Variants in MSH6 observed in about 807,000 individuals in gnomAD.
The protein encoded by MSH6 is mutS homolog 6.
Under a neutral mutation model 119.1 loss-of-function variants are expected in MSH6, and 85 were observed. The ratio of observed to expected loss-of-function variants is 0.71; its 90% CI spans 0.60 to 0.85. MSH6 has a LOEUF of 0.85. MSH6 is among the 40% of genes least tolerant of loss of function. MSH6 has a pLI of 0.00. For missense variants in MSH6, 2,163 were observed against 1,655.3 expected, an observed-to-expected ratio of 1.31 and a Z score of -5.32; for synonymous variants, 830 against 586.9, an observed-to-expected ratio of 1.41 and a Z score of -5.99.
intron 1 of MSH6, among the ~76,000 whole-genome samples, chr2:47,786,328 G>A (rs1279884863): frequency 6.6e-6 from 1 of 151,764 alleles, no homozygotes; most frequent in Admixed American, 6.6e-5. Context: ...CTTAAAACAT[G>A]TTGAGCGTAT....
At chr2:47,796,224 T>C (rs1024259638) in intron 3 of MSH6, among the ~76,000 whole-genome samples, 161 bp downstream of exon 3, 1 of 152,244 alleles carries the variant, frequency 6.6e-6, no homozygotes, top group African/African-American at 2.4e-5. Context: ...GACTGTAGGA[T>C]AAGTTAGGTT....
chr2:47,807,091 C>A (rs1025593494), downstream of MSH6: 2 of 519,398 alleles, frequency 3.9e-6, no homozygotes, highest in Non-Finnish European at 6.8e-6. Flanking sequence ...CTGTTTTATA[C>A]CCACTGTCAC....
intron 2 of MSH6, among the ~76,000 whole-genome samples, chr2:47,794,745 T>C (rs985439189): frequency 2.0e-5 from 3 of 152,174 alleles, no homozygotes; most frequent in Non-Finnish European, 4.4e-5. Flanking sequence ...CAAACTCATA[T>C]TTAATATCAT....
At position 47,800,345 on chromosome 2, in the gene MSH6, A is replaced by G. The variant is rs587778530; in HGVS notation, c.2362A>G (p.Ile788Val). The G allele has an allele frequency of 1.9e-6, 3 of 1,614,110 alleles. No individual in the cohort carries two copies. Among genetic ancestry groups the G allele is most frequent in the East Asian group, 4.5e-5 (2 of 44,876 alleles). Residue 788 changes from isoleucine (I) to valine (V), a missense_variant, in exon 4 of 10, where the codon ATT (isoleucine) becomes GTT (valine). By Grantham distance (29) the Ile-to-Val change is conservative. Transcript: ENST00000234420. ...LCAPLCNHYA[I>V]NDRLDAIEDL... ...TGCCCCACTCTGTAACCATTATGCT[A>G]TTAATGATCGTCTAGATGCCATAGA...
rs747856982 is a variant in MSH6 at position 47,800,869 on chromosome 2, T to G, written c.2886T>G (p.Ile962Met). Residue 962 changes from isoleucine to methionine, a missense_variant, in exon 4 of 10, where the codon ATT becomes ATG. Transcript: ENST00000234420. ...LEYLEKQRNR[I>M]GCRTIVYWGI... ...ACCTAGAGAAACAGCGCAACAGAAT[T>G]GGCTGTAGGACCATAGTCTATTGGG... 13 of 1,613,682 alleles carry G rather than the reference T, an allele frequency of 8.1e-6. No homozygotes were observed. The highest frequency in any genetic ancestry group is 1.0e-5 in the Non-Finnish European group (12 of 1,179,872).
chr2:47,800,548 T>G lies in MSH6; in HGVS notation c.2565T>G (p.Ile855Met), dbSNP rs1064793456. Residue 855 changes from isoleucine to methionine, a missense_variant, in exon 4 of 10, where the codon ATT (isoleucine) becomes ATG (methionine). Transcript: ENST00000234420. ...YEETTYSKKK[I>M]IDFLSALEGF... ...AAACTACATACAGCAAGAAGAAGAT[T>G]ATTGATTTTCTTTCTGCTCTGGAAG... is the stretch of plus-strand genomic sequence containing the variant. 1.2e-6 allele frequency: 2 copies of G among 1,613,674 alleles called. No homozygotes were observed. The highest frequency in any genetic ancestry group is 1.7e-6 in the Non-Finnish European group (2 of 1,179,938).
intron 1 of MSH6, chr2:47,789,463 A>G: frequency 2.2e-6 from 1 of 458,264 alleles, no homozygotes; most frequent in Non-Finnish European, 4.5e-6. Context: ...GGAAGACATT[A>G]TTTTTTTAAT....
chr2:47,805,805 A>G (rs1257923158), intron 7 of MSH6, 98 bp downstream of exon 7: 6 of 956,140 alleles, frequency 6.3e-6, no homozygotes, highest in Admixed American at 5.4e-5. Flanking sequence ...CATTTAAACA[A>G]TATGAATGTT....
rs192740549 is a variant in MSH6 at position 47,806,845 on chromosome 2, G to A, written c.4068G>A (p.Leu1356=). 1.9e-6 allele frequency: 3 copies of A among 1,610,684 alleles called. No homozygotes were observed. The highest frequency in any genetic ancestry group is 2.5e-6 in the Non-Finnish European group (3 of 1,178,362). Residue 1356 remains leucine (L), a synonymous_variant, in exon 10 of 10, where the codon TTG becomes TTA. Transcript: ENST00000234420. Reference sequence around the variant, plus strand: ...AAGCTGTCCATAAATTGCTGACTTTGATTAAGGAATTATAGACTGACTACA... The same window carrying A: ...AAGCTGTCCATAAATTGCTGACTTTAATTAAGGAATTATAGACTGACTACA... ...DAEAVHKLLT[L]IKEL
chr2:47,798,547 CT>C, intron 3 of MSH6, 63 bp from the exon 4 acceptor site: 1 of 1,550,086 alleles, frequency 6.5e-7, no homozygotes, highest in Non-Finnish European at 8.8e-7. Flanking sequence ...ATAAGTTGAA[CT>C]GTCTTACATT....
chr2:47,808,026 T>C, downstream of MSH6: 2 of 1,176,954 alleles, frequency 1.7e-6, no homozygotes, highest in Non-Finnish European at 2.4e-6. Context: ...AGTCTCTTCC[T>C]GTAGCATGGG....
rs1668541391 is a variant in MSH6, at chr2:47,788,922, G to GTTTTTTTTGTTTTTTTTGTTTT, written c.261-1997_261-1996insGTTTTTTTTGTTTTTTTTTTTT. ...TTTCTTCTTCCTTTTTTTTTTTTTT[G>GTTTTTTTTGTTTTTTTTGTTTT]TTTTTTTTTTTTTTTTTTTTTTTTT... is the stretch of plus-strand genomic sequence containing the variant. On this transcript the variant is annotated intron_variant, in intron 1 of 9. Coordinates refer to ENST00000234420, the MANE Select transcript of MSH6 (RefSeq NM_000179.3). 1.3e-3 allele frequency among the ~76,000 whole-genome samples: 52 copies of GTTTTTTTTGTTTTTTTTGTTTT among 40,948 alleles called. 1 individual carries two copies. The highest frequency in any genetic ancestry group is 5.2e-3 in the African/African-American group (52 of 10,002). 26.9% of individuals were successfully genotyped at this position (40,948 alleles called of 152,430 possible).
chr2:47,783,458 G>A lies in MSH6; in HGVS notation c.225G>A (p.Gly75=), dbSNP rs786202321. The change falls in exon 1 of 10, where the codon GGG becomes GGA. Residue 75 remains glycine, a synonymous_variant. Transcript: ENST00000234420. ...CCAAGGCGAAGAACCTCAACGGAGGGCTGCGGAGATCGGTAGCGCCTGCTG... is the reference window on the plus strand; with the variant it reads ...CCAAGGCGAAGAACCTCAACGGAGGACTGCGGAGATCGGTAGCGCCTGCTG... ...SPPKAKNLNG[G]LRRSVAPAAP... The A allele has an allele frequency of 7.5e-6, 11 of 1,466,434 alleles. No individual in the cohort carries two copies. Among genetic ancestry groups the A allele is most frequent in the African/African-American group, 2.9e-5 (2 of 67,924 alleles). 90.8% of individuals were successfully genotyped at this position (1,466,434 alleles called of 1,614,324 possible).
In MSH6 at chr2:47,801,035, C is replaced by A. The variant is rs878853727; in HGVS notation, c.3052C>A (p.Leu1018Ile). 3.2e-6 allele frequency: 5 copies of A among 1,585,890 alleles called. No individual in the cohort carries two copies. Among genetic ancestry groups the A allele is most frequent in the South Asian group, 1.2e-5 (1 of 86,372 alleles). ...AACTATTGAAAAGAAGTTGGCTAATCTCATAAATGCTGAAGAACGGAGGGA... is the reference window on the plus strand; with the variant it reads ...AACTATTGAAAAGAAGTTGGCTAATATCATAAATGCTGAAGAACGGAGGGA... ...TKTIEKKLANLINAEERRDVS... is the reference protein window; with the variant it reads ...TKTIEKKLANIINAEERRDVS... Residue 1018 changes from leucine to isoleucine, a missense_variant, in exon 4 of 10, where the codon CTC (leucine) becomes ATC (isoleucine). Transcript: ENST00000234420.
At chr2:47,796,782 G>A (rs1302587443) in intron 3 of MSH6, among the ~76,000 whole-genome samples, 2 of 152,254 alleles carry the variant, frequency 1.3e-5, no homozygotes, top group South Asian at 2.1e-4. Context: ...CCAACACAGT[G>A]AAACCCTGTT....
intron 1 of MSH6, chr2:47,784,188 C>G: frequency 1.0e-6 from 1 of 992,632 alleles, no homozygotes. Context: ...CCTAATTGGG[C>G]GGGGCGGGGC....
chr2:47,787,411 C>A (rs1402447718), intron 1 of MSH6, among the ~76,000 whole-genome samples: 1 of 152,184 alleles, frequency 6.6e-6, no homozygotes, highest in Non-Finnish European at 1.5e-5. Context: ...AACCAGAATT[C>A]AAAAGATCTG....
At chr2:47,807,618 T>C (rs1670313103), downstream of MSH6, 1 of 220,282 alleles carries the variant, frequency 4.5e-6, no homozygotes, top group Non-Finnish European at 9.1e-6. Context: ...AAAAACAAAC[T>C]ACATGAGATT....
rs59056100 is a variant in MSH6 at position 47,806,751 on chromosome 2, CTTTTTTTTTTT to C, written c.4002-20_4002-10del. On this transcript the variant is annotated splice_polypyrimidine_tract_variant and intron_variant, in intron 9 of 9. Coordinates refer to ENST00000234420, the MANE Select transcript of MSH6 (RefSeq NM_000179.3). ...GATGCACTATGAAAAAACAAAAAAA[CTTTTTTTTTTT>C]TTTTTTTAATTTTAAGGGAAGTTTG... is the stretch of plus-strand genomic sequence containing the variant. The C allele has an allele frequency of 1.4e-6, 2 of 1,444,646 alleles. No homozygotes were observed. The highest frequency in any genetic ancestry group is 1.9e-6 in the Non-Finnish European group (2 of 1,068,500). 89.5% of individuals were successfully genotyped at this position (1,444,646 alleles called of 1,614,324 possible). A position where few individuals can be genotyped will look rare whatever the true frequency, so the allele number is the denominator to read the frequency against.
Sources: allele counts gnomAD v4.1 joint callset (sites outside exome capture counted in the v4.1 genomes callset), GRCh38; gene constraint gnomAD v4.1.1; transcripts MANE v1.5; gene names NCBI Gene and HGNC (gene_info 2026-07-23, HGNC 2026-07-21).